The following FBXL2 variants were observed in gnomAD, a reference collection of about 807,000 sequenced individuals.
FBXL2 encodes the protein F-box and leucine rich repeat protein 2, also known as F-box/LRR-repeat protein 2.
Under a neutral mutation model 69.2 loss-of-function variants are expected in FBXL2, and 38 were observed. The observed-to-expected ratio is 0.55, with a 90% CI of 0.42 to 0.72. FBXL2 has a LOEUF of 0.72. FBXL2 is among the 30% of genes least tolerant of loss of function. The pLI is 0.00. For synonymous variants in FBXL2, 192 were observed against 201.3 expected (o/e 0.95, Z 0.39); for missense variants, 354 against 520.3 (o/e 0.68, Z 3.11).
At chr3:33,350,714 G>A (rs939874027) in intron 2 of FBXL2, among the ~76,000 whole-genome samples, 6 of 152,078 alleles carry the variant, frequency 3.9e-5, no homozygotes, top group Non-Finnish European at 7.4e-5. Flanking sequence ...GGGATTACAG[G>A]TGTGAGCCAC....
intron 2 of FBXL2, among the ~76,000 whole-genome samples, chr3:33,318,641 G>A (rs914936309): frequency 6.6e-6 from 1 of 152,064 alleles, no homozygotes; most frequent in Non-Finnish European, 1.5e-5. Context: ...ATTTTTGTTC[G>A]AAGTAGCACC....
At chr3:33,397,079 C>T (rs764381444) in intron 12 of FBXL2, 8 of 1,603,074 alleles carry the variant, frequency 5.0e-6, no homozygotes, top group South Asian at 1.1e-5. Context: ...CGAATTCCAT[C>T]GGCTGCACCA....
At chr3:33,359,675 G>C (rs2041474311) in intron 4 of FBXL2, among the ~76,000 whole-genome samples, 1 of 151,130 alleles carries the variant, frequency 6.6e-6, no homozygotes, top group South Asian at 2.1e-4. Flanking sequence ...AATACTTATT[G>C]ATCTAGAAAA....
intron 2 of FBXL2, among the ~76,000 whole-genome samples, chr3:33,337,597 A>G (rs983929268): frequency 1.3e-5 from 2 of 152,204 alleles, no homozygotes; most frequent in Admixed American, 6.5e-5. Flanking sequence ...TAACTACTAA[A>G]TGGGAAGTTC....
At chr3:33,403,422 C>A (rs959761813) in exon 13 of FBXL2, 2 of 174,804 alleles carry the variant, frequency 1.1e-5, no homozygotes, top group Non-Finnish European at 2.4e-5. Context: ...GGTTAATAAT[C>A]CTCAAGACAG....
intron 5 of FBXL2, among the ~76,000 whole-genome samples, chr3:33,370,981 AT>A (rs1282234126): frequency 2.6e-5 from 4 of 151,860 alleles, no homozygotes; most frequent in Non-Finnish European, 4.4e-5. Flanking sequence ...TTCCAATCGC[AT>A]GTATATTAGG....
At chr3:33,364,794 A>G in intron 5 of FBXL2, 75 bp downstream of exon 5, 2 of 1,199,148 alleles carry the variant, frequency 1.7e-6, no homozygotes, top group South Asian at 2.4e-5. Flanking sequence ...CAAGCCTATT[A>G]CATGCTCTTC....
chr3:33,395,188 T>C (rs2043926466), intron 12 of FBXL2, among the ~76,000 whole-genome samples: 1 of 152,182 alleles, frequency 6.6e-6, no homozygotes, highest in Non-Finnish European at 1.5e-5. Context: ...GCTTTTGAAG[T>C]CAAAATAATA....
intron 12 of FBXL2, among the ~76,000 whole-genome samples, chr3:33,394,854 G>C (rs1471113535): frequency 6.9e-6 from 1 of 145,238 alleles, no homozygotes; most frequent in African/African-American, 2.5e-5. Flanking sequence ...AGTTTTACTG[G>C]AACAGCCTTA....
intron 2 of FBXL2, among the ~76,000 whole-genome samples, chr3:33,327,266 C>G (rs963498052): frequency 2.0e-5 from 3 of 152,050 alleles, no homozygotes; most frequent in African/African-American, 7.2e-5. Flanking sequence ...ATGGCATAAT[C>G]AAGATTCCAC....
the FBXL2 span, chr3:33,412,925 A>G: frequency 2.7e-6 from 2 of 750,598 alleles, no homozygotes; most frequent in African/African-American, 3.4e-5. Context: ...GCAGTAGAAC[A>G]CATACAACTA....
At chr3:33,301,946 A>G (rs762357865) in intron 2 of FBXL2, among the ~76,000 whole-genome samples, 1 of 152,144 alleles carries the variant, frequency 6.6e-6, no homozygotes, top group African/African-American at 2.4e-5. Context: ...CTGGGCCTTA[A>G]TTTGCCCATC....
Position 33,373,103 on chromosome 3 carries a change from A to C in FBXL2, c.302A>C (p.Gln101Pro). 1 of 1,614,230 alleles carries C rather than the reference A, an allele frequency of 6.2e-7. No homozygotes were observed. Among genetic ancestry groups the C allele is most frequent in the Non-Finnish European group, 8.5e-7 (1 of 1,180,016 alleles). Residue 101 changes from glutamine (Q) to proline (P), a missense_variant, in exon 6 of 15, where the codon CAG (glutamine) becomes CCG (proline). Gln to Pro is a moderately conservative substitution (Grantham distance 76). Transcript: ENST00000484457. ...VGDSSLKTFA[Q>P]NCRNIEHLNL... ...TTTTCTCATTTTAGGACCTTTGCAC[A>C]GAACTGCCGAAACATTGAACATTTG...
intron 5 of FBXL2, among the ~76,000 whole-genome samples, chr3:33,368,549 C>T (rs1056234618): frequency 2.6e-5 from 4 of 151,888 alleles, no homozygotes; most frequent in African/African-American, 9.7e-5. Context: ...TTATTTTAAT[C>T]TATTTGTATC....
chr3:33,368,829 G>A (rs926124083), intron 5 of FBXL2, among the ~76,000 whole-genome samples: 2 of 151,924 alleles, frequency 1.3e-5, no homozygotes, highest in African/African-American at 2.4e-5. Flanking sequence ...CTTGTGATCC[G>A]CCTTCCTTGG....
intron 2 of FBXL2, among the ~76,000 whole-genome samples, chr3:33,323,617 T>C (rs745848174): frequency 1.3e-5 from 2 of 152,200 alleles, no homozygotes; most frequent in Non-Finnish European, 1.5e-5. Flanking sequence ...GCTTCATCCA[T>C]GTCCCTGTAA....
chr3:33,305,459 A>G (rs748349127), intron 2 of FBXL2, among the ~76,000 whole-genome samples: 1 of 151,884 alleles, frequency 6.6e-6, no homozygotes, highest in South Asian at 2.1e-4. Flanking sequence ...CTGTGTGTCA[A>G]TACTACATAT....
At chr3:33,384,229 C>T (rs1337342106) in intron 14 of FBXL2, 28 bp downstream of exon 14, 2 of 1,598,860 alleles carry the variant, frequency 1.3e-6, no homozygotes, top group Non-Finnish European at 1.7e-6. Context: ...GAGTCAGTCA[C>T]ACCTGACATT....
At chr3:33,349,751 C>T (rs75299785) in intron 2 of FBXL2, among the ~76,000 whole-genome samples, 38 of 152,188 alleles carry the variant, frequency 2.5e-4, no homozygotes, top group African/African-American at 8.9e-4. Context: ...ACTTTAGTGA[C>T]TTTTTATTAT....
Sources: allele counts gnomAD v4.1 joint callset (sites outside exome capture counted in the v4.1 genomes callset), GRCh38; gene constraint gnomAD v4.1.1; transcripts MANE v1.5; gene names NCBI Gene and HGNC (gene_info 2026-07-23, HGNC 2026-07-21).